Variants in C1orf21 observed in about 807,000 individuals in gnomAD.
C1orf21 encodes the protein uncharacterized protein C1orf21.
C1orf21 carries 3 observed loss-of-function variants against 18.7 expected under a neutral mutation model. That is an observed-to-expected ratio of 0.16 (90% CI 0.07 to 0.42). The LOEUF is 0.42. C1orf21 is among the 10% of genes least tolerant of loss of function. C1orf21 has a pLI of 0.99. For synonymous variants in C1orf21, 41 were observed against 46.4 expected, an observed-to-expected ratio of 0.88 and a Z score of 0.47; for missense variants, 104 against 143.6, an observed-to-expected ratio of 0.72 and a Z score of 1.41.
chr1:184,571,093 A>G (rs1659102580), intron 3 of C1orf21, among the ~76,000 whole-genome samples: 1 of 152,124 alleles, frequency 6.6e-6, no homozygotes, highest in Non-Finnish European at 1.5e-5. Context: ...GGAGATCGAG[A>G]CCATCCCGGC....
intron 3 of C1orf21, among the ~76,000 whole-genome samples, chr1:184,539,786 C>T (rs991973458): frequency 6.6e-6 from 1 of 152,150 alleles, no homozygotes; most frequent in African/African-American, 2.4e-5. Flanking sequence ...ACTTGTTTTT[C>T]CAGATGAAAT....
In C1orf21 at chr1:184,605,246, T is replaced by C. The variant is rs1659633249; in HGVS notation, c.327+6785T>C. ...TAGGTTTGGCAGTCATGGATGTTGCTTCAGCCCTGCAGAGAACACGCAGGG... is the reference window on the plus strand; with the variant it reads ...TAGGTTTGGCAGTCATGGATGTTGCCTCAGCCCTGCAGAGAACACGCAGGG... On this transcript the variant is annotated intron_variant, in intron 5 of 5. Transcript: ENST00000235307. Among the ~76,000 whole-genome samples the C allele has an allele frequency of 2.0e-5, 3 of 152,190 alleles. No individual in the cohort carries two copies. The South Asian group carries it at 6.2e-4, about 32-fold the overall frequency.
rs1432437593 is a variant in C1orf21, at chr1:184,546,558, ACT to A, written c.189+38879_189+38880del. On this transcript the variant is annotated intron_variant, in intron 3 of 5. Transcript: ENST00000235307. ...AATGGATCTTACCATCTAATGGGAA[ACT>A]CTGATACCACTTAATTATACATAGA... Among the ~76,000 whole-genome samples, 12 of 152,170 alleles carry A rather than the reference ACT, an allele frequency of 7.9e-5. 1 individual carries two copies. The highest frequency in any genetic ancestry group is 5.9e-4 in the Admixed American group (9 of 15,276).
intron 3 of C1orf21, among the ~76,000 whole-genome samples, chr1:184,543,414 T>C (rs1446359803): frequency 6.6e-6 from 1 of 152,194 alleles, no homozygotes; most frequent in Non-Finnish European, 1.5e-5. Context: ...AATTATATTG[T>C]CACTTATTCG....
At chr1:184,442,730 T>C (rs1313380220) in intron 1 of C1orf21, among the ~76,000 whole-genome samples, 1 of 152,202 alleles carries the variant, frequency 6.6e-6, no homozygotes, top group Non-Finnish European at 1.5e-5. Context: ...GGACTAAAGC[T>C]CTTGTTCTTC....
intron 1 of C1orf21, among the ~76,000 whole-genome samples, chr1:184,411,076 A>C (rs1396578257): frequency 2.6e-5 from 4 of 152,056 alleles, no homozygotes; most frequent in African/African-American, 4.8e-5. Context: ...CCTTACTGCT[A>C]ATTTTTTTGT....
chr1:184,612,571 C>A (rs1394612780), intron 5 of C1orf21, among the ~76,000 whole-genome samples: 1 of 152,092 alleles, frequency 6.6e-6, no homozygotes, highest in Non-Finnish European at 1.5e-5. Context: ...GCTAAAAATA[C>A]AAAAATTAGC....
intron 3 of C1orf21, among the ~76,000 whole-genome samples, chr1:184,575,001 A>C (rs189418012): frequency 2.0e-5 from 3 of 152,346 alleles, no homozygotes; most frequent in Non-Finnish European, 2.9e-5. Context: ...AGCTTCTAAA[A>C]GGCTGAAAAG....
rs367808773 is a variant in C1orf21 at position 184,553,240 on chromosome 1, G to A, written c.190-37499G>A. On this transcript the variant is annotated intron_variant, in intron 3 of 5. Coordinates refer to ENST00000235307, the MANE Select transcript of C1orf21 (RefSeq NM_030806.4). Reference sequence around the variant, plus strand: ...ACACTGTTTATTCGTAAGTCCAAGGGGGGGAGAAACTAATTCCATTTTTTT... The same window carrying A: ...ACACTGTTTATTCGTAAGTCCAAGGAGGGGAGAAACTAATTCCATTTTTTT... 1.2e-4 allele frequency among the ~76,000 whole-genome samples: 19 copies of A among 152,266 alleles called. No homozygotes were observed. In the South Asian group the frequency reaches 1.7e-3, roughly 13 times the overall value.
chr1:184,524,212 C>G (rs1318910276), intron 3 of C1orf21, among the ~76,000 whole-genome samples: 1 of 152,066 alleles, frequency 6.6e-6, no homozygotes, highest in Non-Finnish European at 1.5e-5. Context: ...AGAGCAGGTA[C>G]TAATAAATAT....
chr1:184,587,868 G>A (rs1378266879), intron 3 of C1orf21, among the ~76,000 whole-genome samples: 1 of 152,034 alleles, frequency 6.6e-6, no homozygotes, highest in Non-Finnish European at 1.5e-5. Flanking sequence ...GCCTGCCTCA[G>A]CCTCCTAAAG....
chr1:184,507,282 A>G (rs1227575138), intron 2 of C1orf21, among the ~76,000 whole-genome samples: 5 of 152,186 alleles, frequency 3.3e-5, no homozygotes, highest in African/African-American at 1.2e-4. Flanking sequence ...ATACATTTCA[A>G]AAAGTCTTTA....
intron 1 of C1orf21, among the ~76,000 whole-genome samples, chr1:184,440,398 C>T (rs914277578): frequency 2.0e-5 from 3 of 152,026 alleles, no homozygotes; most frequent in Non-Finnish European, 4.4e-5. Context: ...GCACGCCCTA[C>T]ACCGGCCATT....
At chr1:184,461,695 C>T (rs993149700) in intron 1 of C1orf21, among the ~76,000 whole-genome samples, 6 of 152,096 alleles carry the variant, frequency 3.9e-5, no homozygotes, top group African/African-American at 1.4e-4. Context: ...AGGGTAGGCT[C>T]CTGTTTTATT....
At chr1:184,603,963 G>A (rs1207396699) in intron 5 of C1orf21, among the ~76,000 whole-genome samples, 2 of 152,158 alleles carry the variant, frequency 1.3e-5, no homozygotes, top group Admixed American at 6.5e-5. Context: ...ATCTGCATTC[G>A]TAAATTTTTT....
intron 2 of C1orf21, among the ~76,000 whole-genome samples, chr1:184,482,939 C>T (rs1038795594): frequency 5.9e-5 from 9 of 152,142 alleles, no homozygotes; most frequent in Admixed American, 3.3e-4. Flanking sequence ...GCATGTTCCA[C>T]CATGCAGAAT....
chr1:184,545,084 G>A (rs1345232744), intron 3 of C1orf21, among the ~76,000 whole-genome samples: 1 of 152,156 alleles, frequency 6.6e-6, no homozygotes, highest in Admixed American at 6.5e-5. Flanking sequence ...GACCAACCCT[G>A]GTACAGGTAC....
chr1:184,474,832 A>G (rs533557862), intron 1 of C1orf21, among the ~76,000 whole-genome samples: 5 of 152,124 alleles, frequency 3.3e-5, no homozygotes, highest in African/African-American at 1.2e-4. Flanking sequence ...GTTTTCCCAT[A>G]CTTCCTTTTT....
At chr1:184,592,189 A>T (rs72737723) in intron 4 of C1orf21, 20,521 of 152,252 alleles carry the variant, frequency 0.13, 1,498 homozygotes, top group East Asian at 0.2. Flanking sequence ...TGCAAAAAAA[A>T]TGTACAAATA....
Sources: allele counts gnomAD v4.1 joint callset (sites outside exome capture counted in the v4.1 genomes callset), GRCh38; gene constraint gnomAD v4.1.1; transcripts MANE v1.5; gene names NCBI Gene and HGNC (gene_info 2026-07-23, HGNC 2026-07-21).